The following CHRM2 variants were observed in gnomAD, a reference collection of about 807,000 sequenced individuals.
CHRM2 encodes the protein muscarinic acetylcholine receptor M2.
Under a neutral mutation model 25.0 loss-of-function variants are expected in CHRM2, and 8 were observed. The observed-to-expected ratio is 0.32, with a 90% CI of 0.19 to 0.58. CHRM2 has a LOEUF of 0.58. Among genes scored for constraint, CHRM2 ranks in the 20% least tolerant of loss-of-function variants. The pLI is 0.88. For synonymous variants in CHRM2, 202 were observed against 205.7 expected, an observed-to-expected ratio of 0.98 and a Z score of 0.15; for missense variants, 440 against 567.1, an observed-to-expected ratio of 0.78 and a Z score of 2.28.
intron 2 of CHRM2, among the ~76,000 whole-genome samples, chr7:136,881,196 C>T (rs969632502): frequency 2.5e-4 from 37 of 150,158 alleles, no homozygotes; most frequent in Admixed American, 6.7e-5. Context: ...TTTGCCTTTA[C>T]GGACTGTCAT....
intron 2 of CHRM2, among the ~76,000 whole-genome samples, chr7:136,890,771 G>C (rs1257993194): frequency 6.6e-6 from 1 of 152,144 alleles, no homozygotes; most frequent in Non-Finnish European, 1.5e-5. Context: ...ACATATTAAA[G>C]TCCAAGTGTT....
chr7:136,881,199 A>C (rs1326348096), intron 2 of CHRM2, among the ~76,000 whole-genome samples: 1 of 150,372 alleles, frequency 6.7e-6, no homozygotes, highest in Non-Finnish European at 1.5e-5. Flanking sequence ...GCCTTTACGG[A>C]CTGTCATGTA....
chr7:136,921,076 T>A (rs13235468), intron 2 of CHRM2, among the ~76,000 whole-genome samples: 4 of 151,878 alleles, frequency 2.6e-5, no homozygotes, highest in Non-Finnish European at 5.9e-5. Flanking sequence ...GCTTCCAGAC[T>A]CTTCTACACA....
chr7:136,958,026 T>C lies in CHRM2; in HGVS notation c.-124-34161T>C, dbSNP rs747658228. On this transcript the variant is annotated intron_variant, in intron 2 of 3. Transcript: ENST00000680005. ...CTCATAGTGGCTGCTTGATATTATGTAATCTATTCCATTTGGAAACATAGT... is the reference window on the plus strand; with the variant it reads ...CTCATAGTGGCTGCTTGATATTATGCAATCTATTCCATTTGGAAACATAGT... Among the ~76,000 whole-genome samples the C allele has an allele frequency of 4.2e-4, 64 of 152,234 alleles. 1 individual carries two copies. The highest frequency in any genetic ancestry group is 2.9e-3 in the Admixed American group (45 of 15,282).
intron 2 of CHRM2, among the ~76,000 whole-genome samples, chr7:136,930,212 C>A (rs1798981399): frequency 6.6e-6 from 1 of 152,078 alleles, no homozygotes; most frequent in East Asian, 1.9e-4. Flanking sequence ...GTGGGCAGAT[C>A]ACCTGAGGTC....
chr7:136,886,881 A>G (rs965213861), intron 2 of CHRM2, among the ~76,000 whole-genome samples: 1 of 152,266 alleles, frequency 6.6e-6, no homozygotes, highest in East Asian at 1.9e-4. Flanking sequence ...TCAAAAAGAA[A>G]AAAGAAAATA....
chr7:136,934,252 T>C (rs954592110), intron 2 of CHRM2, among the ~76,000 whole-genome samples: 4 of 152,174 alleles, frequency 2.6e-5, no homozygotes, highest in Admixed American at 2.6e-4. Flanking sequence ...TTTTAGATTC[T>C]TCCCTCTCTT....
At chr7:136,927,035 C>CAGTT (rs35733413) in intron 2 of CHRM2, among the ~76,000 whole-genome samples, 36,197 of 151,952 alleles carry the variant, frequency 0.24, 5,640 homozygotes, top group Non-Finnish European at 0.35. Flanking sequence ...AATAGTGTAA[C>CAGTT]AGGACGTCAG....
chr7:136,932,396 C>T (rs1346423431), intron 2 of CHRM2, among the ~76,000 whole-genome samples: 1 of 152,126 alleles, frequency 6.6e-6, no homozygotes, highest in Non-Finnish European at 1.5e-5. Flanking sequence ...TGTATCAATC[C>T]TATATCAAAT....
rs1801537755 is a variant in CHRM2 at position 136,968,250 on chromosome 7, TC to T, written c.-124-23936del. Among the ~76,000 whole-genome samples, 13 of 152,066 alleles carry T rather than the reference TC, an allele frequency of 8.5e-5. 1 individual carries two copies. In the South Asian group the frequency reaches 2.5e-3, roughly 29 times the overall value. On this transcript the variant is annotated intron_variant, in intron 2 of 3. Transcript: ENST00000680005. ...TTCCCCATCCCACTGCCACAGCCTC[TC>T]AAATGACTGATAAGTATATGAAAAA...
At position 137,015,600 on chromosome 7, in the gene CHRM2, T is replaced by C. The variant is rs1263310656; in HGVS notation, c.735T>C (p.Asn245=). 2 of 1,612,686 alleles carry C rather than the reference T, an allele frequency of 1.2e-6. No individual in the cohort carries two copies. Among genetic ancestry groups the C allele is most frequent in the Admixed American group, 1.7e-5 (1 of 59,816 alleles). ...LVQGRIVKPN[N]NNMPSSDDGL... is the part of the protein sequence containing the mutation. ...AAGGAAGGATAGTGAAGCCAAACAATAACAACATGCCCAGCAGTGACGATG... is the reference window on the plus strand; with the variant it reads ...AAGGAAGGATAGTGAAGCCAAACAACAACAACATGCCCAGCAGTGACGATG... Residue 245 remains asparagine (N), a synonymous_variant, in exon 4 of 4, where the codon AAT becomes AAC. Transcript: ENST00000680005. The surrounding 1 kb of genome is among the most constrained non-coding windows in gnomAD (Gnocchi z 5.1).
At position 137,017,595 on chromosome 7, in the gene CHRM2, T is replaced by C. The variant is rs141315723; in HGVS notation, c.*1329T>C. 163 of 152,110 alleles carry C rather than the reference T, an allele frequency of 1.1e-3. 1 individual carries two copies. Among genetic ancestry groups the C allele is most frequent in the African/African-American group, 3.7e-3 (154 of 41,560 alleles). 9.4% of individuals were successfully genotyped at this position (152,110 alleles called of 1,614,324 possible). A position where few individuals can be genotyped will look rare whatever the true frequency, so the allele number is the denominator to read the frequency against. ...TTTTAAAAACTATTACTGAAACAATTACATATTCCATATTCCTCAAATTGT... is the reference window on the plus strand; with the variant it reads ...TTTTAAAAACTATTACTGAAACAATCACATATTCCATATTCCTCAAATTGT... On this transcript the variant is annotated 3_prime_UTR_variant, in exon 4 of 4. Transcript: ENST00000680005.
intron 3 of CHRM2, among the ~76,000 whole-genome samples, chr7:137,003,481 C>T (rs1804195728): frequency 8.9e-3 from 1 of 112 alleles, no homozygotes; most frequent in African/African-American, 0.042. Flanking sequence ...CATACACACA[C>T]ACACACACAC....
rs565701193 is a variant in CHRM2, at chr7:136,921,766, T to TTTTCTTTC, written c.-125+52372_-125+52379dup. ...CTGTAGAAATATACCATTCATGCAA[T>TTTTCTTTC]TTTCTTTCTTTCTTTCTTTCTTTCT... On this transcript the variant is annotated intron_variant, in intron 2 of 3. Transcript: ENST00000680005. 2.7e-5 allele frequency among the ~76,000 whole-genome samples: 4 copies of TTTTCTTTC among 147,542 alleles called. 1 individual carries two copies. The highest frequency in any genetic ancestry group is 4.5e-5 in the Non-Finnish European group (3 of 66,144).
intron 2 of CHRM2, among the ~76,000 whole-genome samples, chr7:136,969,738 T>C (rs1157956837): frequency 1.3e-5 from 2 of 152,164 alleles, no homozygotes; most frequent in Non-Finnish European, 2.9e-5. Context: ...TCTCGGCATA[T>C]TAGTCTGCCA....
In CHRM2 at chr7:136,949,459, T is replaced by TAAAAAAAAAAAAAAAAAAAA. The variant is rs386411435; in HGVS notation, c.-124-42709_-124-42708insAAAAAAAAAAAAAAAAAAAA. 2.1e-4 allele frequency among the ~76,000 whole-genome samples: 25 copies of TAAAAAAAAAAAAAAAAAAAA among 120,830 alleles called. 1 individual carries two copies. Among genetic ancestry groups the TAAAAAAAAAAAAAAAAAAAA allele is most frequent in the African/African-American group, 7.6e-4 (23 of 30,304 alleles). 79.3% of individuals were successfully genotyped at this position (120,830 alleles called of 152,430 possible). A position where few individuals can be genotyped will look rare whatever the true frequency, so the allele number is the denominator to read the frequency against. ...TAACAAGACCCTGTCTCTGCAAAACTAAAAAAAAAAAAAAAAAAATCAGCC... is the reference window on the plus strand; with the variant it reads ...TAACAAGACCCTGTCTCTGCAAAACTAAAAAAAAAAAAAAAAAAAAAAAAAAAAAAAAAAAAAAATCAGCC... On this transcript the variant is annotated intron_variant, in intron 2 of 3. Transcript: ENST00000680005.
rs1805300739 is a variant in CHRM2 at position 137,018,783 on chromosome 7, A to C, written c.*2517A>C. ...AAGAAATTGAAGATAGGCTGACACC[A>C]TGGAAACTACGTCAAACAGATAAGA... On this transcript the variant is annotated 3_prime_UTR_variant, in exon 4 of 4. Transcript: ENST00000680005. 6.6e-6 allele frequency: 1 copy of C among 151,956 alleles called. No homozygotes were observed. Among genetic ancestry groups the C allele is most frequent in the Non-Finnish European group, 1.5e-5 (1 of 67,920 alleles). 9.4% of individuals were successfully genotyped at this position (151,956 alleles called of 1,614,324 possible).
chr7:136,891,793 C>G (rs1028921711), intron 2 of CHRM2, among the ~76,000 whole-genome samples: 13 of 152,152 alleles, frequency 8.5e-5, no homozygotes, highest in Non-Finnish European at 1.8e-4. Context: ...AGCCACTTCC[C>G]CATGCTAAGC....
chr7:136,994,271 A>T (rs1346714250), intron 3 of CHRM2, among the ~76,000 whole-genome samples: 4 of 152,192 alleles, frequency 2.6e-5, no homozygotes, highest in Non-Finnish European at 4.4e-5. Flanking sequence ...AAGAGTCAGT[A>T]ATGTATTTTG....
Sources: gnomAD v4.1 joint callset for allele counts (sites outside exome capture counted in the v4.1 genomes callset) on GRCh38, gnomAD v4.1.1 for gene constraint, Gnocchi (gnomAD v3.1) non-coding constraint, MANE v1.5 for transcripts, NCBI Gene and HGNC (gene_info 2026-07-23, HGNC 2026-07-21) for gene names.